ARHGAP6: variants seen among roughly 807,000 people sequenced by gnomAD.
ARHGAP6 encodes rho GTPase-activating protein 6.
Under a neutral mutation model 55.7 loss-of-function variants are expected in ARHGAP6, and 16 were observed. The ratio of observed to expected loss-of-function variants is 0.29; its 90% CI spans 0.19 to 0.44. The LOEUF is 0.44. ARHGAP6 is among the 20% of genes least tolerant of loss of function. The pLI is 1.00. For missense variants in ARHGAP6, 698 were observed against 808.9 expected, an observed-to-expected ratio of 0.86 and a Z score of 1.66; for synonymous variants, 382 against 360.9, an observed-to-expected ratio of 1.06 and a Z score of -0.66.
At chrX:11,188,080 GAGA>G (rs763955091) in intron 4 of ARHGAP6, among the ~76,000 whole-genome samples, 8 of 111,654 alleles carry the variant, frequency 7.2e-5, no homozygotes, top group African/African-American at 9.8e-5. Flanking sequence ...ACAAAAGGGA[GAGA>G]AGATCTTCCA....
intron 1 of ARHGAP6, among the ~76,000 whole-genome samples, chrX:11,426,216 A>C (rs1030480001): frequency 9.0e-6 from 1 of 111,493 alleles, no homozygotes; most frequent in African/African-American, 3.3e-5. Context: ...GAGGAAAGCG[A>C]AGTGTACGAG....
intron 1 of ARHGAP6, chrX:11,351,385 C>T (rs1344274941): frequency 5.2e-6 from 5 of 967,475 alleles, no homozygotes; most frequent in African/African-American, 2.0e-5. Flanking sequence ...ACCCAACTTA[C>T]AAATATCCTG....
chrX:11,575,790 A>G (rs1437044822), intron 1 of ARHGAP6, among the ~76,000 whole-genome samples: 1 of 112,248 alleles, frequency 8.9e-6, no homozygotes, highest in Non-Finnish European at 1.9e-5. Context: ...AGCTTACTCT[A>G]CTACATGCCC....
chrX:11,610,062 C>T (rs1165126346), intron 1 of ARHGAP6, among the ~76,000 whole-genome samples: 2 of 108,607 alleles, frequency 1.8e-5, no homozygotes, highest in Non-Finnish European at 3.8e-5. Flanking sequence ...TGAGCTGCCA[C>T]GTTCAAGTGT....
intron 1 of ARHGAP6, among the ~76,000 whole-genome samples, chrX:11,611,372 G>A (rs1162346133): frequency 8.9e-6 from 1 of 111,933 alleles, no homozygotes; most frequent in Non-Finnish European, 1.9e-5. Flanking sequence ...AGAAGCTAGG[G>A]CATAATGTGC....
intron 1 of ARHGAP6, among the ~76,000 whole-genome samples, chrX:11,650,773 C>T (rs2052575983): frequency 8.9e-6 from 1 of 112,254 alleles, no homozygotes; most frequent in African/African-American, 3.2e-5. Context: ...TAAAATATTG[C>T]CATTGCAGCA....
chrX:11,555,424 G>A (rs1043228136), intron 1 of ARHGAP6, among the ~76,000 whole-genome samples: 32 of 111,211 alleles, frequency 2.9e-4, no homozygotes, highest in African/African-American at 9.8e-4. Flanking sequence ...TCTGAGAAGC[G>A]GACATTTAAG....
intron 8 of ARHGAP6, among the ~76,000 whole-genome samples, chrX:11,170,104 G>A (rs2046070192): frequency 9.0e-6 from 1 of 110,912 alleles, no homozygotes; most frequent in Non-Finnish European, 1.9e-5. Context: ...TTCATATATT[G>A]TAATTATTTT....
chrX:11,486,241 G>T (rs1454710806), intron 1 of ARHGAP6, among the ~76,000 whole-genome samples: 6 of 112,206 alleles, frequency 5.3e-5, no homozygotes, highest in African/African-American at 1.9e-4. Flanking sequence ...CAATCATTGG[G>T]TTACCATGGG....
intron 1 of ARHGAP6, among the ~76,000 whole-genome samples, chrX:11,299,899 T>C (rs1010840835): frequency 8.9e-6 from 1 of 111,914 alleles, no homozygotes; most frequent in African/African-American, 3.2e-5. Flanking sequence ...TTCTTTTAAA[T>C]GGGGGAAAAT....
intron 1 of ARHGAP6, among the ~76,000 whole-genome samples, chrX:11,492,600 G>A (rs929922333): frequency 5.4e-5 from 6 of 111,169 alleles, no homozygotes; most frequent in Admixed American, 9.6e-5. Flanking sequence ...TAAGAGTCAC[G>A]AATAATATAG....
intron 1 of ARHGAP6, among the ~76,000 whole-genome samples, chrX:11,567,566 A>T (rs201148098): frequency 0.03 from 2,493 of 84,414 alleles, 99 homozygotes; most frequent in African/African-American, 0.037. Flanking sequence ...AAAAAAAAAA[A>T]ATATATATAT....
intron 1 of ARHGAP6, among the ~76,000 whole-genome samples, chrX:11,395,034 G>A (rs1409388022): frequency 1.8e-5 from 2 of 112,171 alleles, no homozygotes; most frequent in African/African-American, 6.5e-5. Context: ...GCTGGTGTTG[G>A]CAATCAAACT....
chrX:11,326,334 G>C (rs1304311667), intron 1 of ARHGAP6, among the ~76,000 whole-genome samples: 2 of 110,865 alleles, frequency 1.8e-5, no homozygotes, highest in Admixed American at 9.6e-5. Flanking sequence ...CTCCATGTTG[G>C]TCAGGCTGGT....
At chrX:11,394,920 T>G (rs1365065633) in intron 1 of ARHGAP6, among the ~76,000 whole-genome samples, 2 of 111,670 alleles carry the variant, frequency 1.8e-5, no homozygotes, top group Non-Finnish European at 3.8e-5. Flanking sequence ...ATGCAGGACC[T>G]CTTGCTCAGA....
intron 7 of ARHGAP6, among the ~76,000 whole-genome samples, chrX:11,178,720 C>A (rs112352401): frequency 0.14 from 15,907 of 111,839 alleles, 938 homozygotes; most frequent in Middle Eastern, 0.23. Context: ...TACAGCAAAG[C>A]CAATGTCTTC....
At chrX:11,222,490 G>T (rs1191315809) in intron 2 of ARHGAP6, among the ~76,000 whole-genome samples, 7 of 111,708 alleles carry the variant, frequency 6.3e-5, no homozygotes, top group Non-Finnish European at 1.1e-4. Flanking sequence ...ATTGATGGTG[G>T]ATCTCTGATG....
chrX:11,657,148 T>C (rs1275589083), intron 1 of ARHGAP6, among the ~76,000 whole-genome samples: 2 of 111,118 alleles, frequency 1.8e-5, no homozygotes, highest in Non-Finnish European at 3.8e-5. Context: ...CTAAGTAGTT[T>C]GGATTTTATT....
At chrX:11,298,289 T>C in intron 1 of ARHGAP6, 2 of 1,207,859 alleles carry the variant, frequency 1.7e-6, no homozygotes, top group Non-Finnish European at 1.1e-6. Context: ...TATGTAGACA[T>C]TTTGTTCCTT....
Sources: gnomAD v4.1 joint callset for allele counts (sites outside exome capture counted in the v4.1 genomes callset) on GRCh38, gnomAD v4.1.1 for gene constraint, MANE v1.5 for transcripts, NCBI Gene and HGNC (gene_info 2026-07-23, HGNC 2026-07-21) for gene names.